The following ABTB2 variants were observed in gnomAD, a reference collection of about 807,000 sequenced individuals.
The protein encoded by ABTB2 is ankyrin repeat and BTB domain containing 2.
Under a neutral mutation model 104.1 loss-of-function variants are expected in ABTB2, and 56 were observed. The observed-to-expected ratio is 0.54, with a 90% CI of 0.43 to 0.67. The LOEUF (loss-of-function observed/expected upper bound fraction) is 0.67, where lower values mean the gene tolerates loss of function less well. ABTB2 is among the 30% of genes least tolerant of loss of function. The pLI is 0.00. For synonymous variants in ABTB2, 606 were observed against 608.2 expected (o/e 1.00, Z 0.05); for missense variants, 1,279 against 1,407.7 (o/e 0.91, Z 1.46).
chr11:34,197,615 T>C, intron 2 of ABTB2, 77 bp from the exon 3 acceptor site: 1 of 1,054,198 alleles, frequency 9.5e-7, no homozygotes, highest in Non-Finnish European at 1.3e-6. Context: ...CCTGCATTCT[T>C]CCAAGGATGT....
intron 11 of ABTB2, among the ~76,000 whole-genome samples, chr11:34,160,673 G>A (rs1253711864): frequency 1.2e-5 from 1 of 80,206 alleles, no homozygotes; most frequent in African/African-American, 5.2e-5. Flanking sequence ...GCGCGCGTGT[G>A]TGTGTGTATG....
At chr11:34,279,779 T>C (rs1053452001) in intron 1 of ABTB2, among the ~76,000 whole-genome samples, 1 of 138,120 alleles carries the variant, frequency 7.2e-6, no homozygotes, top group African/African-American at 3.2e-5. Context: ...TTTCTTTTCT[T>C]TCTTCTTCTT....
chr11:34,174,057 G>A (rs904805301), intron 3 of ABTB2, among the ~76,000 whole-genome samples: 1 of 152,190 alleles, frequency 6.6e-6, no homozygotes, highest in Admixed American at 6.5e-5. Flanking sequence ...GGCCTCGGCC[G>A]GGCTCGGTGG....
chr11:34,185,819 G>T (rs764924180), intron 3 of ABTB2, among the ~76,000 whole-genome samples: 7 of 152,172 alleles, frequency 4.6e-5, no homozygotes, highest in Non-Finnish European at 1.0e-4. Flanking sequence ...TAGAAAAGAG[G>T]ATCTTGAAAG....
rs1852774365 is a variant in ABTB2 at position 34,164,711 on chromosome 11, T to C, written c.1963A>G (p.Ser655Gly). 1 of 1,536,500 alleles carries C rather than the reference T, an allele frequency of 6.5e-7. No homozygotes were observed. The highest frequency in any genetic ancestry group is 2.5e-5 in the East Asian group (1 of 39,672). ...SSLHEDMNCF[S>G]HSAAHGHRNV... ...CTGTGGCCGTGGGCAGCTGAGTGGC[T>C]GAAGCAGTTCATGTCCTCGTGGAGG... The change falls in exon 9 of 17, where the codon AGC becomes GGC. Residue 655 changes from serine to glycine, a missense_variant. Ser to Gly is a moderately conservative substitution (Grantham distance 56). Transcript: ENST00000435224.
intron 1 of ABTB2, among the ~76,000 whole-genome samples, chr11:34,305,240 A>T (rs914972464): frequency 1.3e-5 from 2 of 152,236 alleles, no homozygotes; most frequent in Non-Finnish European, 2.9e-5. Flanking sequence ...CATGCCTGAG[A>T]GACCTTGTGC....
chr11:34,183,782 A>C (rs978137912), intron 3 of ABTB2, among the ~76,000 whole-genome samples: 1 of 152,202 alleles, frequency 6.6e-6, no homozygotes, highest in African/African-American at 2.4e-5. Flanking sequence ...CGGTGTTAGA[A>C]ACTTCATTTT....
At chr11:34,289,722 C>A (rs1320876528) in intron 1 of ABTB2, among the ~76,000 whole-genome samples, 1 of 152,146 alleles carries the variant, frequency 6.6e-6, no homozygotes, top group Non-Finnish European at 1.5e-5. Context: ...CATGAGACAC[C>A]CTCCGAGGCA....
At position 34,152,334 on chromosome 11, in the gene ABTB2, G is replaced by T. The variant is rs1852553871; in HGVS notation, c.*53C>A. The T allele has an allele frequency of 3.3e-6, 5 of 1,518,328 alleles. No individual in the cohort carries two copies. In the Admixed American group the frequency reaches 6.0e-5, roughly 18 times the overall value. 94.1% of individuals were successfully genotyped at this position (1,518,328 alleles called of 1,614,324 possible). On this transcript the variant is annotated 3_prime_UTR_variant, in exon 17 of 17. Coordinates refer to ENST00000435224, the MANE Select transcript of ABTB2 (RefSeq NM_145804.3). ...GGGCCTACAACCATACCCCGACATG[G>T]TGGGCCCTGGCACCTCCACAGGCCC...
rs774495088 is a variant in ABTB2 at position 34,318,773 on chromosome 11, G to T, written c.883+37928C>A. ...AACTCAATGTTCTGAGTTGGGAGGTGACCCATAATGTGATAAGGATCCAGC... is the reference window on the plus strand; with the variant it reads ...AACTCAATGTTCTGAGTTGGGAGGTTACCCATAATGTGATAAGGATCCAGC... On this transcript the variant is annotated intron_variant, in intron 1 of 16. Transcript: ENST00000435224. Among the ~76,000 whole-genome samples, 3 of 152,194 alleles carry T rather than the reference G, an allele frequency of 2.0e-5. No individual in the cohort carries two copies. In the South Asian group the frequency reaches 6.2e-4, roughly 31 times the overall value.
At chr11:34,319,956 C>T (rs1214865150) in intron 1 of ABTB2, among the ~76,000 whole-genome samples, 2 of 152,156 alleles carry the variant, frequency 1.3e-5, no homozygotes, top group African/African-American at 4.8e-5. Flanking sequence ...GTGTGAGACA[C>T]TGTGCCTGGC....
At chr11:34,220,927 T>A (rs1853613298) in intron 1 of ABTB2, among the ~76,000 whole-genome samples, 1 of 152,102 alleles carries the variant, frequency 6.6e-6, no homozygotes. Context: ...CCATTCTCTG[T>A]CTACGTCTTC....
At chr11:34,327,808 G>A (rs1465848412) in intron 1 of ABTB2, among the ~76,000 whole-genome samples, 1 of 152,196 alleles carries the variant, frequency 6.6e-6, no homozygotes, top group Non-Finnish European at 1.5e-5. Flanking sequence ...CTGGGAGAAA[G>A]AGTTCTGGAT....
intron 1 of ABTB2, among the ~76,000 whole-genome samples, chr11:34,331,633 G>A (rs1409972712): frequency 6.6e-6 from 1 of 152,116 alleles, no homozygotes; most frequent in Non-Finnish European, 1.5e-5. Flanking sequence ...CTGTAATGAG[G>A]TTACTCTCTT....
chr11:34,165,789 C>G (rs937580420), intron 7 of ABTB2, among the ~76,000 whole-genome samples: 1 of 152,340 alleles, frequency 6.6e-6, no homozygotes, highest in Admixed American at 6.5e-5. Context: ...TGAGTAACCC[C>G]GAGCAGGTAC....
chr11:34,161,875 C>T (rs932901200), intron 10 of ABTB2, among the ~76,000 whole-genome samples: 3 of 152,142 alleles, frequency 2.0e-5, no homozygotes, highest in Non-Finnish European at 2.9e-5. Flanking sequence ...GTGGGAGTGA[C>T]GTCTCTGTTT....
Position 34,154,280 on chromosome 11 carries a change from G to A in ABTB2, c.2865C>T (p.Thr955=). The change falls in exon 16 of 17, where the codon ACC becomes ACT. Residue 955 remains threonine (T), a synonymous_variant. Coordinates refer to ENST00000435224, the MANE Select transcript of ABTB2 (RefSeq NM_145804.3). The surrounding 1 kb of genome is among the most constrained non-coding windows in gnomAD (Gnocchi z 4.9). The stretch of plus-strand genomic sequence containing the variant: ...TGGCCCTCACCTTGGCATATTTGTA[G>A]GTGTTCACGGCACTCTCCATGCTGA... The part of the protein sequence containing the change: ...QTLSMESAVN[T]YKYAKIHNAP... 1 of 1,613,840 alleles carries A rather than the reference G, an allele frequency of 6.2e-7. No homozygotes were observed. The highest frequency in any genetic ancestry group is 8.5e-7 in the Non-Finnish European group (1 of 1,179,812).
Position 34,165,278 on chromosome 11 carries a change from G to T in ABTB2, c.1834C>A (p.Gln612Lys). ...GEDSYAETPL[Q>K]LASAAGNYEL... is the part of the protein sequence containing the mutation. ...TGCCTACCTGCCGCAGAGGCCAGCT[G>T]CAGGGGCGTCTCCGCATAGCTGTCC... Residue 612 changes from glutamine (Q) to lysine (K), a missense_variant, in exon 8 of 17, where the codon CAG becomes AAG. Gln to Lys is a moderately conservative substitution (Grantham distance 53). Transcript: ENST00000435224. 1 of 1,558,830 alleles carries T rather than the reference G, an allele frequency of 6.4e-7. No individual in the cohort carries two copies. The highest frequency in any genetic ancestry group is 8.7e-7 in the Non-Finnish European group (1 of 1,151,864).
intron 1 of ABTB2, among the ~76,000 whole-genome samples, chr11:34,327,186 T>C (rs779362521): frequency 2.0e-5 from 3 of 152,226 alleles, no homozygotes; most frequent in African/African-American, 4.8e-5. Flanking sequence ...TGGAATACGA[T>C]ATAGGCTAGT....
Sources: allele counts gnomAD v4.1 joint callset (sites outside exome capture counted in the v4.1 genomes callset), GRCh38; gene constraint gnomAD v4.1.1; non-coding constraint Gnocchi (gnomAD v3.1); transcripts MANE v1.5; gene names NCBI Gene and HGNC (gene_info 2026-07-23, HGNC 2026-07-21).